The following DCAF8L2 variants were observed in gnomAD, a reference collection of about 807,000 sequenced individuals.
DCAF8L2 encodes DDB1- and CUL4-associated factor 8-like protein 2.
For missense variants in DCAF8L2, 430 were observed against 490.7 expected, an observed-to-expected ratio of 0.88 and a Z score of 1.17; for synonymous variants, 200 against 190.9, an observed-to-expected ratio of 1.05 and a Z score of -0.39.
At chrX:27,496,887 A>G in the DCAF8L2 span, among the ~76,000 whole-genome samples, 1 of 112,559 alleles carries the variant, frequency 8.9e-6, no homozygotes, top group Non-Finnish European at 1.9e-5. Context: ...AAAAGGAACA[A>G]TCTATTGATG....
At chrX:27,582,357 C>G in the DCAF8L2 span, among the ~76,000 whole-genome samples, 44 of 111,370 alleles carry the variant, frequency 4.0e-4, no homozygotes, top group Middle Eastern at 4.7e-3. Flanking sequence ...CTAATGGCCC[C>G]TTTTCTTTTT....
At chrX:27,546,654 A>T in the DCAF8L2 span, among the ~76,000 whole-genome samples, 4 of 112,335 alleles carry the variant, frequency 3.6e-5, no homozygotes, top group Non-Finnish European at 5.6e-5. Context: ...TTGTGCACCC[A>T]CAGGCCCAAC....
chrX:27,591,016 A>AT (rs1569153314), intron 1 of DCAF8L2, among the ~76,000 whole-genome samples: 4 of 44,743 alleles, frequency 8.9e-5, no homozygotes, highest in African/African-American at 1.6e-4. Flanking sequence ...TATATATATA[A>AT]ATAAATAATT....
intron 3 of DCAF8L2, among the ~76,000 whole-genome samples, chrX:27,680,210 G>C (rs1171724905): frequency 1.8e-5 from 2 of 111,498 alleles, no homozygotes; most frequent in African/African-American, 6.5e-5. Flanking sequence ...CCTATGGACT[G>C]AATAGTAGCA....
chrX:27,514,683 A>AAAAAAAAAAAAC, the DCAF8L2 span, among the ~76,000 whole-genome samples: 2 of 30,185 alleles, frequency 6.6e-5, no homozygotes, highest in African/African-American at 1.3e-4. Flanking sequence ...AAAAAAAAAA[A>AAAAAAAAAAAAC]AAAAAAAAAA....
the DCAF8L2 span, among the ~76,000 whole-genome samples, chrX:27,552,263 T>G: frequency 8.9e-6 from 1 of 111,962 alleles, no homozygotes; most frequent in Non-Finnish European, 1.9e-5. Flanking sequence ...TTTATTCTGT[T>G]GATTGTTTCC....
chrX:27,723,148 A>G (rs1442373661), intron 4 of DCAF8L2, among the ~76,000 whole-genome samples: 1 of 110,562 alleles, frequency 9.0e-6, no homozygotes, highest in East Asian at 2.8e-4. Flanking sequence ...AGACTGAACA[A>G]TATAAAGATG....
the DCAF8L2 span, among the ~76,000 whole-genome samples, chrX:27,557,342 G>A: frequency 9.0e-6 from 1 of 111,550 alleles, no homozygotes; most frequent in South Asian, 3.7e-4. Flanking sequence ...TGTTTAGCTT[G>A]GTAATATGTT....
the DCAF8L2 span, among the ~76,000 whole-genome samples, chrX:27,559,808 A>G: frequency 9.0e-6 from 1 of 111,606 alleles, no homozygotes; most frequent in Non-Finnish European, 1.9e-5. Context: ...TTCATACTTT[A>G]TGCCCACTCT....
At chrX:27,555,069 G>A in the DCAF8L2 span, among the ~76,000 whole-genome samples, 9 of 111,563 alleles carry the variant, frequency 8.1e-5, no homozygotes, top group African/African-American at 2.6e-4. Flanking sequence ...TGTGCTACAC[G>A]CATCTTAACG....
chrX:27,498,313 T>G, the DCAF8L2 span, among the ~76,000 whole-genome samples: 2 of 112,307 alleles, frequency 1.8e-5, no homozygotes, highest in African/African-American at 6.5e-5. Flanking sequence ...AGGCTTCCAA[T>G]TTCTCCACAT....
chrX:27,555,347 C>A, the DCAF8L2 span, among the ~76,000 whole-genome samples: 11 of 111,849 alleles, frequency 9.8e-5, no homozygotes, highest in African/African-American at 3.6e-4. Flanking sequence ...CTTTGCATGT[C>A]AACCCCTAAG....
At chrX:27,586,135 C>A (rs1018335966), upstream of DCAF8L2, among the ~76,000 whole-genome samples, 1 of 110,882 alleles carries the variant, frequency 9.0e-6, no homozygotes, top group Non-Finnish European at 1.9e-5. Context: ...CCACTGCTAA[C>A]AGAGTCCACC....
intron 3 of DCAF8L2, among the ~76,000 whole-genome samples, chrX:27,696,244 A>G (rs193092914): frequency 6.0e-5 from 6 of 100,601 alleles, no homozygotes; most frequent in African/African-American, 2.2e-4. Flanking sequence ...AAAGAAAGAA[A>G]GAAGGAAGGA....
the DCAF8L2 span, among the ~76,000 whole-genome samples, chrX:27,576,510 G>A: frequency 2.7e-5 from 3 of 111,863 alleles, no homozygotes; most frequent in Non-Finnish European, 3.8e-5. Flanking sequence ...TAGTGGTGAT[G>A]GTTTAAAAAG....
At chrX:27,559,683 A>G in the DCAF8L2 span, among the ~76,000 whole-genome samples, 4 of 111,511 alleles carry the variant, frequency 3.6e-5, no homozygotes, top group Admixed American at 9.5e-5. Flanking sequence ...GGCTAATGAC[A>G]GTGGCAGTCT....
chrX:27,676,724 T>C, intron 2 of DCAF8L2, among the ~76,000 whole-genome samples: 1 of 111,660 alleles, frequency 9.0e-6, no homozygotes, highest in Middle Eastern at 4.6e-3. Context: ...CAGATGTGTT[T>C]TCTTAACTGG....
At chrX:27,664,052 T>G (rs1929654601) in intron 2 of DCAF8L2, among the ~76,000 whole-genome samples, 1 of 109,168 alleles carries the variant, frequency 9.2e-6, no homozygotes. Flanking sequence ...CTCTAAGTGT[T>G]CAAGTGAAAG....
chrX:27,558,969 C>T, the DCAF8L2 span, among the ~76,000 whole-genome samples: 4 of 110,717 alleles, frequency 3.6e-5, no homozygotes, highest in African/African-American at 9.9e-5. Context: ...ACCCAAATCT[C>T]ATCTCAAATT....
Sources: allele counts gnomAD v4.1 joint callset (sites outside exome capture counted in the v4.1 genomes callset), GRCh38; gene constraint gnomAD v4.1.1; transcripts MANE v1.5; gene names NCBI Gene and HGNC (gene_info 2026-07-23, HGNC 2026-07-21).